SLC39A10: variants seen among roughly 807,000 people sequenced by gnomAD.
SLC39A10 encodes zinc transporter ZIP10.
A neutral mutation model predicts 65.1 loss-of-function variants in SLC39A10; 13 were observed. The observed-to-expected ratio is 0.20, with a 90% CI of 0.13 to 0.32. SLC39A10 has a LOEUF of 0.32. Among genes scored for constraint, SLC39A10 ranks in the 10% least tolerant of loss-of-function variants. SLC39A10 has a pLI of 1.00. For missense variants in SLC39A10, 831 were observed against 1,018.4 expected, an observed-to-expected ratio of 0.82 and a Z score of 2.50; for synonymous variants, 321 against 342.2, an observed-to-expected ratio of 0.94 and a Z score of 0.68.
chr2:195,638,886 A>C (rs1197383331), intron 2 of SLC39A10, among the ~76,000 whole-genome samples: 3 of 151,844 alleles, frequency 2.0e-5, no homozygotes, highest in African/African-American at 4.8e-5. Flanking sequence ...AGTCATTATG[A>C]GTCCCTAGTC....
At chr2:195,707,814 T>C (rs1691461222) in intron 4 of SLC39A10, among the ~76,000 whole-genome samples, 1 of 152,138 alleles carries the variant, frequency 6.6e-6, no homozygotes, top group Non-Finnish European at 1.5e-5. Context: ...TGGTCTGATA[T>C]CCTCTGAGAG....
At chr2:195,714,375 T>C (rs1057142120) in intron 6 of SLC39A10, among the ~76,000 whole-genome samples, 18 of 152,320 alleles carry the variant, frequency 1.2e-4, no homozygotes, top group Middle Eastern at 6.8e-3. Context: ...ATGGGAATAA[T>C]CTTAGATCTA....
At chr2:195,646,058 C>T (rs1277453386) in intron 2 of SLC39A10, among the ~76,000 whole-genome samples, 1 of 152,138 alleles carries the variant, frequency 6.6e-6, no homozygotes, top group East Asian at 1.9e-4. Flanking sequence ...GCGATCTTCC[C>T]ACCTCAGCTC....
chr2:195,679,973 T>C lies in SLC39A10; in HGVS notation c.-11-59T>C, dbSNP rs576007327. ...GATTGGCAACTTCCAGAGAATTAGA[T>C]TGTTTTGAATGTGTCTAGGTAGAAA... On this transcript the variant is annotated intron_variant, in intron 1 of 9. Coordinates refer to ENST00000359634, the MANE Select transcript of SLC39A10 (RefSeq NM_020342.3). 25 of 1,376,832 alleles carry C rather than the reference T, an allele frequency of 1.8e-5. No individual in the cohort carries two copies. The Admixed American group carries it at 6.2e-4, about 34-fold the overall frequency. 85.3% of individuals were successfully genotyped at this position (1,376,832 alleles called of 1,614,324 possible). A position where few individuals can be genotyped will look rare whatever the true frequency, so the allele number is the denominator to read the frequency against.
intron 1 of SLC39A10, among the ~76,000 whole-genome samples, chr2:195,675,425 C>T (rs1690042400): frequency 6.6e-6 from 1 of 152,080 alleles, no homozygotes; most frequent in African/African-American, 2.4e-5. Context: ...AAAACATTTA[C>T]AATATTGTAA....
At chr2:195,634,244 C>T (rs1413380108) in intron 2 of SLC39A10, among the ~76,000 whole-genome samples, 1 of 152,180 alleles carries the variant, frequency 6.6e-6, no homozygotes. Context: ...GATTCCATTT[C>T]CTGACGCTGG....
At chr2:195,621,059 A>G (rs1688339469) in intron 2 of SLC39A10, among the ~76,000 whole-genome samples, 1 of 152,088 alleles carries the variant, frequency 6.6e-6, no homozygotes, top group East Asian at 1.9e-4. Context: ...TAGAACATAA[A>G]TTTTCTATAG....
chr2:195,729,855 A>G (rs542662127), intron 9 of SLC39A10, among the ~76,000 whole-genome samples: 1 of 151,778 alleles, frequency 6.6e-6, no homozygotes, highest in African/African-American at 2.4e-5. Context: ...CCGGAATGCA[A>G]TGGTGCAATC....
At chr2:195,663,354 A>G (rs138089201) in intron 1 of SLC39A10, among the ~76,000 whole-genome samples, 2 of 152,294 alleles carry the variant, frequency 1.3e-5, no homozygotes, top group East Asian at 3.9e-4. Context: ...TTGCATGTGA[A>G]GAAATATACT....
In SLC39A10 at chr2:195,736,388, C is replaced by A. The variant is rs558362451; in HGVS notation, c.*1347C>A. The A allele has an allele frequency of 3.6e-5, 6 of 166,792 alleles. No individual in the cohort carries two copies. Among genetic ancestry groups the A allele is most frequent in the African/African-American group, 1.2e-4 (5 of 41,570 alleles). The allele number at this position is 166,792 out of a possible 1,614,324, so 10.3% of individuals were successfully genotyped here. A position where few individuals can be genotyped will look rare whatever the true frequency, so the allele number is the denominator to read the frequency against. ...TTTACATCCTATGCCACATGGTCTTCATTTATGCCAGGTAAACTGTATTTG... is the reference window on the plus strand; with the variant it reads ...TTTACATCCTATGCCACATGGTCTTAATTTATGCCAGGTAAACTGTATTTG... On this transcript the variant is annotated 3_prime_UTR_variant, in exon 10 of 10. Coordinates refer to ENST00000359634, the MANE Select transcript of SLC39A10 (RefSeq NM_020342.3).
intron 3 of SLC39A10, among the ~76,000 whole-genome samples, chr2:195,687,046 A>G (rs1270092711): frequency 6.6e-6 from 1 of 152,150 alleles, no homozygotes; most frequent in African/African-American, 2.4e-5. Flanking sequence ...AAAAGGAGAG[A>G]AAGTGGGGCT....
In SLC39A10 at chr2:195,680,264, T is replaced by C. The variant is rs1690249852; in HGVS notation, c.222T>C (p.Asn74=). The C allele has an allele frequency of 6.2e-7, 1 of 1,613,868 alleles. No homozygotes were observed. The highest frequency in any genetic ancestry group is 1.1e-5 in the South Asian group (1 of 90,968). The part of the protein sequence containing the change: ...IEKLFERYGE[N]GRLSFFGLEK... ...AACTTTTTGAGCGTTATGGTGAAAATGGAAGATTATCCTTTTTTGGTTTGG... is the reference window on the plus strand; with the variant it reads ...AACTTTTTGAGCGTTATGGTGAAAACGGAAGATTATCCTTTTTTGGTTTGG... Residue 74 remains asparagine (N), a synonymous_variant, in exon 2 of 10, where the codon AAT becomes AAC. Transcript: ENST00000359634.
intron 3 of SLC39A10, among the ~76,000 whole-genome samples, chr2:195,687,264 C>G (rs1574271928): frequency 6.6e-6 from 1 of 152,102 alleles, no homozygotes; most frequent in East Asian, 1.9e-4. Context: ...TTGTTCCTTA[C>G]AGAGAAAAAT....
At chr2:195,688,254 A>C (rs1000056204) in intron 3 of SLC39A10, among the ~76,000 whole-genome samples, 6 of 152,212 alleles carry the variant, frequency 3.9e-5, no homozygotes, top group African/African-American at 1.4e-4. Context: ...TACCAAATGA[A>C]TTGTGATTAA....
intron 1 of SLC39A10, among the ~76,000 whole-genome samples, chr2:195,667,056 T>C (rs1162782612): frequency 6.6e-6 from 1 of 152,230 alleles, no homozygotes; most frequent in Non-Finnish European, 1.5e-5. Flanking sequence ...TGTTGTTGAT[T>C]GATTTGATAC....
At chr2:195,721,038 T>C (rs1574313026) in intron 8 of SLC39A10, among the ~76,000 whole-genome samples, 1 of 152,050 alleles carries the variant, frequency 6.6e-6, no homozygotes, top group Non-Finnish European at 1.5e-5. Flanking sequence ...ACCTCCTGGG[T>C]TCAAATGATC....
In SLC39A10 at chr2:195,713,573, C is replaced by T. The variant is rs1346971727; in HGVS notation, c.1696+20C>T. On this transcript the variant is annotated intron_variant, in intron 6 of 9. Transcript: ENST00000359634. Reference sequence around the variant, plus strand: ...TTGCCGGTAGACAGCAATTCTGACTCAAGACAAACTTTTTTCTTTTTTTTT... The same window carrying T: ...TTGCCGGTAGACAGCAATTCTGACTTAAGACAAACTTTTTTCTTTTTTTTT... The T allele has an allele frequency of 3.9e-6, 6 of 1,541,418 alleles. No individual in the cohort carries two copies. Among genetic ancestry groups the T allele is most frequent in the Non-Finnish European group, 5.2e-6 (6 of 1,157,196 alleles).
At chr2:195,644,628 C>T (rs2105707963) in intron 2 of SLC39A10, among the ~76,000 whole-genome samples, 1 of 151,850 alleles carries the variant, frequency 6.6e-6, no homozygotes, top group South Asian at 2.1e-4. Context: ...GCATGAGCCA[C>T]AGGCCCCTCA....
At chr2:195,701,658 A>C (rs1476277099) in intron 3 of SLC39A10, among the ~76,000 whole-genome samples, 1 of 150,750 alleles carries the variant, frequency 6.6e-6, no homozygotes, top group African/African-American at 2.4e-5. Flanking sequence ...CTGTGGGATA[A>C]ACATAAGATT....
Sources: gnomAD v4.1 joint callset for allele counts (sites outside exome capture counted in the v4.1 genomes callset) on GRCh38, gnomAD v4.1.1 for gene constraint, MANE v1.5 for transcripts, NCBI Gene and HGNC (gene_info 2026-07-23, HGNC 2026-07-21) for gene names.